The following GPD2 variants were observed in gnomAD, a reference collection of about 807,000 sequenced individuals.
GPD2 encodes glycerol-3-phosphate dehydrogenase, mitochondrial.
GPD2 carries 54 observed loss-of-function variants against 82.4 expected under a neutral mutation model. That is an observed-to-expected ratio of 0.66 (90% CI 0.53 to 0.82). The LOEUF (loss-of-function observed/expected upper bound fraction) is 0.82. Among genes scored for constraint, GPD2 ranks in the 40% least tolerant of loss-of-function variants. The pLI is 0.00. For missense variants in GPD2, 748 were observed against 896.2 expected, an observed-to-expected ratio of 0.83 and a Z score of 2.11; for synonymous variants, 288 against 306.1, an observed-to-expected ratio of 0.94 and a Z score of 0.62.
At chr2:156,426,740 A>G in the GPD2 span, among the ~76,000 whole-genome samples, 1 of 152,168 alleles carries the variant, frequency 6.6e-6, no homozygotes, top group Non-Finnish European at 1.5e-5. Context: ...TTATATAGAG[A>G]GAACAAACTG....
At chr2:156,402,668 G>A in the GPD2 span, among the ~76,000 whole-genome samples, 172 of 151,850 alleles carry the variant, frequency 1.1e-3, 1 homozygote, top group Middle Eastern at 6.8e-3. Flanking sequence ...TTATTTATTT[G>A]TTTGTTTCTT....
chr2:156,505,338 A>G (rs1417799260), intron 3 of GPD2, among the ~76,000 whole-genome samples: 1 of 152,118 alleles, frequency 6.6e-6, no homozygotes. Context: ...TATTCTGCCT[A>G]AGATTTCAGG....
chr2:156,529,636 C>T lies in GPD2; in HGVS notation c.661+16140C>T, dbSNP rs1341236468. On this transcript the variant is annotated intron_variant, in intron 6 of 16. Transcript: ENST00000438166. Reference sequence around the variant, plus strand: ...TTGTATAAGCTGTAAGGAAGGGATCCAGTTTCAGCTTTCTACATATGGCTA... The same window carrying T: ...TTGTATAAGCTGTAAGGAAGGGATCTAGTTTCAGCTTTCTACATATGGCTA... Among the ~76,000 whole-genome samples the T allele has an allele frequency of 2.0e-5, 3 of 151,726 alleles. No individual in the cohort carries two copies. In the East Asian group the frequency reaches 5.8e-4, roughly 29 times the overall value.
At chr2:156,486,845 T>C (rs1683962437) in intron 2 of GPD2, among the ~76,000 whole-genome samples, 1 of 152,222 alleles carries the variant, frequency 6.6e-6, no homozygotes, top group Non-Finnish European at 1.5e-5. Flanking sequence ...CCAAAATGTA[T>C]TTTTGAACAT....
intron 6 of GPD2, among the ~76,000 whole-genome samples, chr2:156,525,503 C>G (rs1206324289): frequency 6.6e-6 from 1 of 151,996 alleles, no homozygotes; most frequent in Non-Finnish European, 1.5e-5. Flanking sequence ...ATTTCTAGGC[C>G]TTTCAATAGA....
the GPD2 span, among the ~76,000 whole-genome samples, chr2:156,416,541 T>C: frequency 2.0e-5 from 3 of 151,196 alleles, no homozygotes; most frequent in East Asian, 3.9e-4. Context: ...TTCTTTTTTT[T>C]TAATGGAGAC....
intron 1 of GPD2, among the ~76,000 whole-genome samples, chr2:156,471,369 G>C (rs1010922071): frequency 6.6e-6 from 1 of 152,140 alleles, no homozygotes. Flanking sequence ...AGTCTTTACA[G>C]AACGTTAGAC....
intron 2 of GPD2, among the ~76,000 whole-genome samples, chr2:156,489,687 TCTTCCTTCCTTCCTTCCTTCCTTC>T (rs143845551): frequency 1.8e-5 from 2 of 109,100 alleles, no homozygotes; most frequent in African/African-American, 4.0e-5. Flanking sequence ...TTTCCTTCCT[TCTTCCTTCCTTCCTTCCTTCCTTC>T]CTTCCTTCCT....
At chr2:156,438,667 T>C (rs184359941) in intron 1 of GPD2, among the ~76,000 whole-genome samples, 23 of 152,342 alleles carry the variant, frequency 1.5e-4, no homozygotes, top group African/African-American at 4.8e-4. Flanking sequence ...CCTGGACTCA[T>C]GGGGCTATCC....
intron 6 of GPD2, among the ~76,000 whole-genome samples, chr2:156,523,670 C>CTAGATAGATAGATAGATAGATAGA (rs3086039): frequency 6.8e-6 from 1 of 146,590 alleles, no homozygotes; most frequent in Non-Finnish European, 1.5e-5. Context: ...AATTTCTTTT[C>CTAGATAGATAGATAGATAGATAGA]TAGATAGATA....
At chr2:156,541,430 A>G (rs994286467) in intron 6 of GPD2, among the ~76,000 whole-genome samples, 8 of 152,184 alleles carry the variant, frequency 5.3e-5, no homozygotes, top group Non-Finnish European at 1.5e-5. Context: ...CAGCTAGGCC[A>G]TTCTGATCTC....
At chr2:156,405,318 G>A in the GPD2 span, among the ~76,000 whole-genome samples, 1 of 152,170 alleles carries the variant, frequency 6.6e-6, no homozygotes, top group Admixed American at 6.5e-5. Flanking sequence ...AGTAGGAAGA[G>A]GTGCCTGCTA....
intron 3 of GPD2, among the ~76,000 whole-genome samples, chr2:156,499,811 T>G (rs928993108): frequency 6.8e-6 from 1 of 146,084 alleles, no homozygotes; most frequent in Non-Finnish European, 1.5e-5. Context: ...TTTTGGGTGG[T>G]TTTTTTTTTT....
At chr2:156,524,406 A>G (rs1292666042) in intron 6 of GPD2, among the ~76,000 whole-genome samples, 3 of 152,186 alleles carry the variant, frequency 2.0e-5, no homozygotes, top group African/African-American at 7.2e-5. Flanking sequence ...CTATATAGTT[A>G]TAGTGAGATG....
In GPD2 at chr2:156,528,419, TTTTA is replaced by T. The variant is rs547436852; in HGVS notation, c.661+14943_661+14946del. ...TTATGTCAATTTTTTTCTTTTTTTC[TTTTA>T]TTTATTTATTTATTTATTTTTATTA... On this transcript the variant is annotated intron_variant, in intron 6 of 16. Coordinates refer to ENST00000438166, the MANE Select transcript of GPD2 (RefSeq NM_000408.5). 3.4e-3 allele frequency among the ~76,000 whole-genome samples: 521 copies of T among 151,460 alleles called. 1 individual carries two copies. Among genetic ancestry groups the T allele is most frequent in the African/African-American group, 9.7e-3 (401 of 41,444 alleles).
rs890736993 is a variant in GPD2 at position 156,557,396 on chromosome 2, A to C, written c.979A>C (p.Ser327Arg). The C allele has an allele frequency of 6.3e-7, 1 of 1,591,516 alleles. No individual in the cohort carries two copies. Among genetic ancestry groups the C allele is most frequent in the African/African-American group, 1.3e-5 (1 of 74,548 alleles). Residue 327 changes from serine (S) to arginine (R), a missense_variant, in exon 9 of 17, where the codon AGC (serine) becomes CGC (arginine). By Grantham distance (110) the Ser-to-Arg change is moderately radical. Around this residue, in one of 3 missense-constraint regions of GPD2, gnomAD observed 692 missense variants for 809.7 expected, o/e 0.85. Transcript: ENST00000438166. Reference sequence around the variant, plus strand: ...TCCTTCTTTGTATCTCAGCCCAGAGAGCATGGGACTTCTTGACCCAGCGAC... The same window carrying C: ...TCCTTCTTTGTATCTCAGCCCAGAGCGCATGGGACTTCTTGACCCAGCGAC... Reference protein sequence around the residue: ...IVMPGYYSPESMGLLDPATSD... With the variant: ...IVMPGYYSPERMGLLDPATSD...
chr2:156,436,980 A>C (rs1573865435), intron 1 of GPD2, among the ~76,000 whole-genome samples: 1 of 152,202 alleles, frequency 6.6e-6, no homozygotes, highest in Non-Finnish European at 1.5e-5. Flanking sequence ...AGTAACTTCT[A>C]CCAGCAAAAA....
chr2:156,576,986 A>T (rs1687843610), intron 13 of GPD2, among the ~76,000 whole-genome samples: 1 of 152,162 alleles, frequency 6.6e-6, no homozygotes, highest in Non-Finnish European at 1.5e-5. Context: ...GGAGATGGAG[A>T]CTTCACAGAC....
Position 156,512,087 on chromosome 2 carries a change from A to G in GPD2, c.400-133A>G, listed in dbSNP as rs2105271479. On this transcript the variant is annotated intron_variant, in intron 4 of 16. Transcript: ENST00000438166. ...AGCATGATGTATTATTAGAAATTTG[A>G]TTAGGAGGGAGCTATCCTCACTCAG... 4.3e-6 allele frequency: 3 copies of G among 690,964 alleles called. No homozygotes were observed. The Admixed American group carries it at 6.1e-5, about 14-fold the overall frequency. The allele number at this position is 690,964 out of a possible 1,614,324, so 42.8% of individuals were successfully genotyped here.
Sources: gnomAD v4.1 joint callset for allele counts (sites outside exome capture counted in the v4.1 genomes callset) on GRCh38, gnomAD v4.1.1 for gene constraint, gnomAD v4.1.1 regional missense constraint, MANE v1.5 for transcripts, NCBI Gene and HGNC (gene_info 2026-07-23, HGNC 2026-07-21) for gene names.